The following CHD9 variants were observed in gnomAD, a reference collection of about 807,000 sequenced individuals.
CHD9 encodes chromodomain helicase DNA binding protein 9, also known as ATP-dependent chromatin remodeler CHD9.
In CHD9, 77 loss-of-function variants were observed where a neutral mutation model predicts 316.1. The observed-to-expected ratio is 0.24, with a 90% confidence interval of 0.20 to 0.29. The LOEUF is 0.29. Ranked by LOEUF, CHD9 falls within the 10% of genes least tolerant of loss-of-function variation. The pLI is 1.00. For synonymous variants in CHD9, 1,129 were observed against 1,158.3 expected (o/e 0.97, Z 0.51); for missense variants, 2,763 against 3,438.1 (o/e 0.80, Z 4.91).
intron 24 of CHD9, among the ~76,000 whole-genome samples, chr16:53,277,969 A>T (rs2053019589): frequency 6.6e-6 from 1 of 152,124 alleles, no homozygotes; most frequent in Non-Finnish European, 1.5e-5. Flanking sequence ...AGCAGCGACC[A>T]AGCTGAGAAT....
intron 1 of CHD9, among the ~76,000 whole-genome samples, chr16:53,102,602 C>A (rs1423625842): frequency 2.6e-5 from 4 of 152,076 alleles, no homozygotes; most frequent in Admixed American, 6.6e-5. Flanking sequence ...GTAATCTCAG[C>A]ACTTTCAGAG....
intron 1 of CHD9, among the ~76,000 whole-genome samples, chr16:53,125,746 A>T (rs1283617546): frequency 6.6e-6 from 1 of 152,156 alleles, no homozygotes; most frequent in Non-Finnish European, 1.5e-5. Context: ...ATTTTGCCCA[A>T]CTGTAGGCTA....
At chr16:53,278,315 C>T (rs1036705795) in intron 24 of CHD9, among the ~76,000 whole-genome samples, 1 of 151,964 alleles carries the variant, frequency 6.6e-6, no homozygotes, top group African/African-American at 2.4e-5. Flanking sequence ...AAGACTAAGC[C>T]AAAAGAACAA....
intron 33 of CHD9, 27 bp from the exon 34 acceptor site, chr16:53,308,659 G>C (rs762198165): frequency 4.5e-6 from 7 of 1,569,726 alleles, no homozygotes; most frequent in Non-Finnish European, 6.1e-6. Flanking sequence ...AACAGTTTCT[G>C]TCTTAATAAT....
chr16:53,101,989 G>A (rs2036924119), intron 1 of CHD9, among the ~76,000 whole-genome samples: 1 of 152,170 alleles, frequency 6.6e-6, no homozygotes, highest in Non-Finnish European at 1.5e-5. Flanking sequence ...AAAAAGTGGA[G>A]GTCAGGAATG....
intron 1 of CHD9, among the ~76,000 whole-genome samples, chr16:53,144,145 T>C (rs1344739603): frequency 6.6e-6 from 1 of 152,230 alleles, no homozygotes; most frequent in Non-Finnish European, 1.5e-5. Flanking sequence ...GTAATCAGGA[T>C]GAAGCTTTCT....
intron 37 of CHD9, among the ~76,000 whole-genome samples, chr16:53,319,398 T>C (rs928195393): frequency 5.9e-5 from 9 of 152,240 alleles, no homozygotes; most frequent in African/African-American, 2.2e-4. Flanking sequence ...TATTTTAAAA[T>C]AACAGTTGTT....
intron 19 of CHD9, among the ~76,000 whole-genome samples, chr16:53,259,755 T>C (rs1274822100): frequency 6.6e-6 from 1 of 152,142 alleles, no homozygotes; most frequent in Admixed American, 6.5e-5. Flanking sequence ...GCTCAAGAAG[T>C]CGTCCCACCT....
At chr16:53,164,804 C>T (rs780243742) in intron 2 of CHD9, among the ~76,000 whole-genome samples, 1 of 151,932 alleles carries the variant, frequency 6.6e-6, no homozygotes, top group Non-Finnish European at 1.5e-5. Flanking sequence ...CAGTCATGCA[C>T]CACCATACCT....
chr16:53,142,587 A>T (rs1244766093), intron 1 of CHD9, among the ~76,000 whole-genome samples: 1 of 152,170 alleles, frequency 6.6e-6, no homozygotes, highest in East Asian at 1.9e-4. Context: ...GATTACAGGC[A>T]TGAGCCACTG....
rs1446291016 is a variant in CHD9 at position 53,238,555 on chromosome 16, A to C, written c.2846A>C (p.Gln949Pro). Reference protein sequence around the residue: ...HGSLISRQMIQQYEMYFRDSQ... With the variant: ...HGSLISRQMIPQYEMYFRDSQ... ...AGCCTGATTAGCAGACAAATGATAC[A>C]GCAATACGAGATGTACTTCAGGGAT... The change falls in exon 12 of 39, where the codon CAG (glutamine) becomes CCG (proline). Residue 949 changes from glutamine to proline, a missense_variant. Gln to Pro is a moderately conservative substitution (Grantham distance 76). Coordinates refer to ENST00000447540, the MANE Select transcript of CHD9 (RefSeq NM_001308319.2). 6.2e-7 allele frequency: 1 copy of C among 1,613,302 alleles called. No homozygotes were observed. Among genetic ancestry groups the C allele is most frequent in the Non-Finnish European group, 8.5e-7 (1 of 1,179,404 alleles).
In CHD9 at chr16:53,297,241, T is replaced by C. The variant is rs369455899; in HGVS notation, c.5713+83T>C. ...TCGGAAATTTCCAATTTGTCTCTTT[T>C]ATGTGAAATTTCAATACTATCTAAT... On this transcript the variant is annotated intron_variant, in intron 30 of 38. Coordinates refer to ENST00000447540, the MANE Select transcript of CHD9 (RefSeq NM_001308319.2). The C allele has an allele frequency of 8.4e-5, 84 of 996,594 alleles. No individual in the cohort carries two copies. The African/African-American group carries it at 1.2e-3, about 14-fold the overall frequency. 61.7% of individuals were successfully genotyped at this position (996,594 alleles called of 1,614,324 possible). A position where few individuals can be genotyped will look rare whatever the true frequency, so the allele number is the denominator to read the frequency against.
At position 53,326,405 on chromosome 16, in the gene CHD9, T is replaced by C. The variant is rs997785340; in HGVS notation, c.*1510T>C. ...CAGAAAAAATACTTTCAGTATGTTT[T>C]GATAAAACTGTTGCTTTGTCATGAG... On this transcript the variant is annotated 3_prime_UTR_variant, in exon 39 of 39. Transcript: ENST00000447540. 6.6e-6 allele frequency: 1 copy of C among 152,524 alleles called. No individual in the cohort carries two copies. Among genetic ancestry groups the C allele is most frequent in the Non-Finnish European group, 1.5e-5 (1 of 67,934 alleles). The allele number at this position is 152,524 out of a possible 1,614,324, so 9.4% of individuals were successfully genotyped here.
intron 1 of CHD9, among the ~76,000 whole-genome samples, chr16:53,107,489 T>TAAAATA (rs377019215): frequency 1.4e-4 from 17 of 123,138 alleles, no homozygotes; most frequent in African/African-American, 4.2e-4. Context: ...TAAAATAAAA[T>TAAAATA]AAATAAAATA....
In CHD9 at chr16:53,326,863, C is replaced by T. The variant is rs1159880763; in HGVS notation, c.*1968C>T. 4 of 147,806 alleles carry T rather than the reference C, an allele frequency of 2.7e-5. No individual in the cohort carries two copies. Among genetic ancestry groups the T allele is most frequent in the African/African-American group, 1.0e-4 (4 of 39,932 alleles). 9.2% of individuals were successfully genotyped at this position (147,806 alleles called of 1,614,324 possible). On this transcript the variant is annotated 3_prime_UTR_variant, in exon 39 of 39. Coordinates refer to ENST00000447540, the MANE Select transcript of CHD9 (RefSeq NM_001308319.2). ...CCACATGATCTTTATTCCTTCCTTT[C>T]GCCAATTAAAAAAAAAAAAAAGGAA...
intron 20 of CHD9, among the ~76,000 whole-genome samples, 174 bp downstream of exon 20, chr16:53,263,271 A>G (rs1023235303): frequency 2.6e-5 from 4 of 152,172 alleles, no homozygotes; most frequent in African/African-American, 9.6e-5. Context: ...TAATACATCT[A>G]ATATCTCCCA....
chr16:53,161,147 T>G (rs1326891093), intron 2 of CHD9, among the ~76,000 whole-genome samples: 1 of 152,318 alleles, frequency 6.6e-6, no homozygotes, highest in East Asian at 1.9e-4. Context: ...ACTTCTTAGT[T>G]TAAACAGTGA....
intron 2 of CHD9, among the ~76,000 whole-genome samples, chr16:53,170,395 A>G (rs773125290): frequency 2.0e-5 from 3 of 152,170 alleles, no homozygotes; most frequent in Non-Finnish European, 2.9e-5. Flanking sequence ...TGGCCAGAGG[A>G]AGCCCTGTCA....
At chr16:53,309,721 C>G (rs2056301268) in intron 34 of CHD9, among the ~76,000 whole-genome samples, 1 of 152,180 alleles carries the variant, frequency 6.6e-6, no homozygotes, top group South Asian at 2.1e-4. Flanking sequence ...TCCCACCTGG[C>G]CTCCCAAAGC....
Sources: gnomAD v4.1 joint callset for allele counts (sites outside exome capture counted in the v4.1 genomes callset) on GRCh38, gnomAD v4.1.1 for gene constraint, MANE v1.5 for transcripts, NCBI Gene and HGNC (gene_info 2026-07-23, HGNC 2026-07-21) for gene names.